CNTNAP2: variants seen among roughly 807,000 people sequenced by gnomAD.
CNTNAP2 encodes the protein contactin associated protein 2.
In CNTNAP2, 98 loss-of-function variants were observed where a neutral mutation model predicts 155.2. The ratio of observed to expected loss-of-function variants is 0.63; its 90% CI spans 0.54 to 0.75. The LOEUF (loss-of-function observed/expected upper bound fraction) is 0.75, where lower values mean the gene tolerates loss of function less well. CNTNAP2 is among the 30% of genes least tolerant of loss of function. The pLI is 0.00. For missense variants in CNTNAP2, 1,727 were observed against 1,688.1 expected (o/e 1.02, Z -0.40); for synonymous variants, 651 against 631.2 (o/e 1.03, Z -0.47).
intron 13 of CNTNAP2, among the ~76,000 whole-genome samples, chr7:147,862,164 C>A (rs1799147376): frequency 6.6e-6 from 1 of 152,046 alleles, no homozygotes; most frequent in South Asian, 2.1e-4. Context: ...TTTGGCCTGT[C>A]CATCATCAAA....
rs148829788 is a variant in CNTNAP2 at position 147,278,385 on chromosome 7, G to GA, written c.1349-21755dup. Among the ~76,000 whole-genome samples the GA allele has an allele frequency of 7.0e-4, 107 of 151,790 alleles. 1 individual carries two copies. The East Asian group carries it at 0.017, about 25-fold the overall frequency. The stretch of plus-strand genomic sequence containing the variant: ...ATCAGTAAGTACCTCAGAAGTTGAG[G>GA]ACCATGTTTCAAATATTTTCTCTAT... On this transcript the variant is annotated intron_variant, in intron 8 of 23. Coordinates refer to ENST00000361727, the MANE Select transcript of CNTNAP2 (RefSeq NM_014141.6).
intron 14 of CNTNAP2, among the ~76,000 whole-genome samples, chr7:147,926,015 T>C (rs1038553166): frequency 3.9e-5 from 6 of 152,332 alleles, no homozygotes; most frequent in African/African-American, 1.4e-4. Flanking sequence ...AAATGTTAAA[T>C]AGTATGTAGA....
rs1017371899 is a variant in CNTNAP2, at chr7:147,647,192, G to A, written c.2098+7886G>A. Reference sequence around the variant, plus strand: ...TTTTTTTGTATTTTAGTAGAGACAGGGTTTCACCATGTTGCCCAGACTGGT... The same window carrying A: ...TTTTTTTGTATTTTAGTAGAGACAGAGTTTCACCATGTTGCCCAGACTGGT... On this transcript the variant is annotated intron_variant, in intron 13 of 23. Transcript: ENST00000361727. Among the ~76,000 whole-genome samples the A allele has an allele frequency of 2.6e-5, 4 of 151,780 alleles. No homozygotes were observed. The South Asian group carries it at 8.3e-4, about 32-fold the overall frequency.
At chr7:148,018,618 G>A (rs1204609808) in intron 15 of CNTNAP2, among the ~76,000 whole-genome samples, 2 of 152,188 alleles carry the variant, frequency 1.3e-5, no homozygotes, top group African/African-American at 4.8e-5. Flanking sequence ...GTTGGGAGAT[G>A]AAAACTGAAG....
chr7:146,874,039 A>C (rs539730039), intron 3 of CNTNAP2, among the ~76,000 whole-genome samples: 1 of 152,214 alleles, frequency 6.6e-6, no homozygotes, highest in East Asian at 1.9e-4. Flanking sequence ...AATCAGAAAG[A>C]GGTGGGTTTA....
At position 146,931,763 on chromosome 7, in the gene CNTNAP2, C is replaced by T. The variant is rs554046207; in HGVS notation, c.402+91859C>T. Among the ~76,000 whole-genome samples the T allele has an allele frequency of 1.6e-3, 240 of 149,574 alleles. 1 individual carries two copies. Among genetic ancestry groups the T allele is most frequent in the African/African-American group, 4.9e-3 (200 of 40,728 alleles). On this transcript the variant is annotated intron_variant, in intron 3 of 23. Transcript: ENST00000361727. Reference sequence around the variant, plus strand: ...AAAATGATAAAGGGGATATCACCACCGATCCCACAGAAATACAAACTACCA... The same window carrying T: ...AAAATGATAAAGGGGATATCACCACTGATCCCACAGAAATACAAACTACCA...
chr7:146,540,224 G>A (rs1797930338), intron 1 of CNTNAP2, among the ~76,000 whole-genome samples: 1 of 152,006 alleles, frequency 6.6e-6, no homozygotes, highest in South Asian at 2.1e-4. Flanking sequence ...TATCTTTATT[G>A]GATTCAGTAT....
At chr7:147,736,862 T>G (rs1584928820) in intron 13 of CNTNAP2, among the ~76,000 whole-genome samples, 1 of 152,246 alleles carries the variant, frequency 6.6e-6, no homozygotes, top group Admixed American at 6.5e-5. Flanking sequence ...TGCTATGGTT[T>G]TCAGCTCCAT....
chr7:146,642,149 A>G (rs1799719734), intron 1 of CNTNAP2, among the ~76,000 whole-genome samples: 1 of 151,218 alleles, frequency 6.6e-6, no homozygotes, highest in Non-Finnish European at 1.5e-5. Flanking sequence ...TTTATTTTTT[A>G]TTTTTATTTT....
chr7:146,298,804 T>C (rs550077023), intron 1 of CNTNAP2, among the ~76,000 whole-genome samples: 1 of 152,318 alleles, frequency 6.6e-6, no homozygotes, highest in African/African-American at 2.4e-5. Context: ...TGATGTGATC[T>C]CTTAGAGAAG....
At chr7:148,073,705 A>G (rs1384192491) in intron 15 of CNTNAP2, among the ~76,000 whole-genome samples, 1 of 152,128 alleles carries the variant, frequency 6.6e-6, no homozygotes. Context: ...TATGTATTGG[A>G]AAAAAATATG....
At chr7:147,156,063 C>T (rs780207071) in intron 8 of CNTNAP2, among the ~76,000 whole-genome samples, 6 of 152,088 alleles carry the variant, frequency 3.9e-5, no homozygotes, top group African/African-American at 9.7e-5. Flanking sequence ...TTTTTCCTCA[C>T]GCCTTACAGT....
At chr7:147,217,649 G>A (rs991334236) in intron 8 of CNTNAP2, among the ~76,000 whole-genome samples, 1 of 151,912 alleles carries the variant, frequency 6.6e-6, no homozygotes, top group African/African-American at 2.4e-5. Context: ...GCTAAGATGA[G>A]GCTAGCCTCA....
At chr7:147,482,216 C>T (rs1350735206) in intron 10 of CNTNAP2, among the ~76,000 whole-genome samples, 1 of 151,874 alleles carries the variant, frequency 6.6e-6, no homozygotes, top group Non-Finnish European at 1.5e-5. Flanking sequence ...GTTACTAGTT[C>T]TGTGGAAATA....
In CNTNAP2 at chr7:147,171,835, T is replaced by C. The variant is rs77931327; in HGVS notation, c.1348+39326T>C. ...ACTGAGTCAGGCATTTTTTTTTTCATTTGCCATTCCCTGTAAATTGGGTAT... is the reference window on the plus strand; with the variant it reads ...ACTGAGTCAGGCATTTTTTTTTTCACTTGCCATTCCCTGTAAATTGGGTAT... On this transcript the variant is annotated intron_variant, in intron 8 of 23. Transcript: ENST00000361727. Among the ~76,000 whole-genome samples the C allele has an allele frequency of 8.1e-3, 1,236 of 151,974 alleles. 18 individuals carry two copies. Among genetic ancestry groups the C allele is most frequent in the African/African-American group, 0.027 (1,112 of 41,436 alleles).
At chr7:147,646,269 G>T (rs1486898902) in intron 13 of CNTNAP2, among the ~76,000 whole-genome samples, 2 of 152,138 alleles carry the variant, frequency 1.3e-5, no homozygotes, top group Admixed American at 6.5e-5. Context: ...CAGTTCTAAG[G>T]CTTACCTTGT....
At chr7:146,744,290 A>G (rs184966677) in intron 1 of CNTNAP2, among the ~76,000 whole-genome samples, 1 of 152,032 alleles carries the variant, frequency 6.6e-6, no homozygotes, top group Non-Finnish European at 1.5e-5. Flanking sequence ...GAAAATGAAC[A>G]ACCTGGTTAA....
intron 11 of CNTNAP2, among the ~76,000 whole-genome samples, chr7:147,545,828 C>T (rs1011137883): frequency 2.0e-5 from 3 of 152,166 alleles, no homozygotes; most frequent in Admixed American, 6.5e-5. Context: ...ATAATTCCCA[C>T]GTGTTGTAGA....
chr7:147,678,651 T>C (rs1489857368), intron 13 of CNTNAP2, among the ~76,000 whole-genome samples: 2 of 151,914 alleles, frequency 1.3e-5, no homozygotes, highest in African/African-American at 4.8e-5. Flanking sequence ...TTAGTTCTCA[T>C]ATACACATTA....
Sources: gnomAD v4.1 joint callset for allele counts (sites outside exome capture counted in the v4.1 genomes callset) on GRCh38, gnomAD v4.1.1 for gene constraint, MANE v1.5 for transcripts, NCBI Gene and HGNC (gene_info 2026-07-23, HGNC 2026-07-21) for gene names.